Variants in CIPC observed in about 807,000 individuals in gnomAD.
CIPC encodes CLOCK-interacting pacemaker.
A neutral mutation model predicts 26.7 loss-of-function variants in CIPC; 12 were observed. That is an observed-to-expected ratio of 0.45 (90% confidence interval 0.29 to 0.73). The LOEUF is 0.73. CIPC is among the 30% of genes least tolerant of loss of function. The probability of loss-of-function intolerance (pLI) is 0.12; values close to 1 mark genes in which losing one functional copy is unlikely to be tolerated. For synonymous variants in CIPC, 170 were observed against 189.8 expected (o/e 0.90, Z 0.86); for missense variants, 417 against 486.5 (o/e 0.86, Z 1.34).
At chr14:77,101,617 A>T (rs898235275) in intron 1 of CIPC, among the ~76,000 whole-genome samples, 5 of 152,194 alleles carry the variant, frequency 3.3e-5, no homozygotes, top group African/African-American at 1.2e-4. Flanking sequence ...TGACCCTCCC[A>T]TAACAAAAGA....
Position 77,115,321 on chromosome 14 carries a change from TATG to T in CIPC, c.*1006_*1008del, listed in dbSNP as rs1285099786. 1 of 151,880 alleles carries T rather than the reference TATG, an allele frequency of 6.6e-6. No individual in the cohort carries two copies. The highest frequency in any genetic ancestry group is 6.6e-5 in the Admixed American group (1 of 15,226). 9.4% of individuals were successfully genotyped at this position (151,880 alleles called of 1,614,324 possible). A position where few individuals can be genotyped will look rare whatever the true frequency, so the allele number is the denominator to read the frequency against. On this transcript the variant is annotated 3_prime_UTR_variant, in exon 4 of 4. Transcript: ENST00000361786. ...GAATTAAATACAGTTGTCTTGAGGG[TATG>T]ATAAGTCCACAAAAAATTGGAAAGC...
At chr14:77,111,802 A>G (rs1886707009) in intron 3 of CIPC, among the ~76,000 whole-genome samples, 1 of 152,232 alleles carries the variant, frequency 6.6e-6, no homozygotes, top group African/African-American at 2.4e-5. Context: ...AAATCATGGG[A>G]AAACAATGCA....
intron 2 of CIPC, among the ~76,000 whole-genome samples, chr14:77,106,955 C>T (rs2140029836): frequency 6.6e-6 from 1 of 152,280 alleles, no homozygotes; most frequent in South Asian, 2.1e-4. Flanking sequence ...AAGCCTGCCT[C>T]ATCATAAGGC....
Position 77,113,940 on chromosome 14 carries a change from T to C in CIPC, c.822T>C (p.His274=), listed in dbSNP as rs1886756351. The part of the protein sequence containing the change: ...SPVCASDSTL[H]GLESNSPLSP... ...TCTGCGCATCAGACAGCACTCTCCA[T>C]GGGTTAGAGAGCAACTCTCCCCTTT... is the stretch of plus-strand genomic sequence containing the variant. Residue 274 remains histidine (H), a synonymous_variant, in exon 4 of 4, where the codon CAT becomes CAC. Transcript: ENST00000361786. 1.2e-6 allele frequency: 2 copies of C among 1,614,220 alleles called. No individual in the cohort carries two copies. The highest frequency in any genetic ancestry group is 1.7e-6 in the Non-Finnish European group (2 of 1,180,048).
At chr14:77,107,658 A>ACACACACACT (rs1287077545) in intron 2 of CIPC, among the ~76,000 whole-genome samples, 17 of 145,262 alleles carry the variant, frequency 1.2e-4, no homozygotes, top group African/African-American at 4.6e-4. Context: ...ACACACACAC[A>ACACACACACT]CTCTCTCTCT....
At chr14:77,108,841 C>T (rs1886641501) in intron 2 of CIPC, among the ~76,000 whole-genome samples, 1 of 152,122 alleles carries the variant, frequency 6.6e-6, no homozygotes, top group Non-Finnish European at 1.5e-5. Context: ...GTTTGTCAAC[C>T]TGTTAAAATC....
intron 3 of CIPC, among the ~76,000 whole-genome samples, chr14:77,110,758 C>T (rs1007416218): frequency 6.6e-6 from 1 of 152,188 alleles, no homozygotes; most frequent in African/African-American, 2.4e-5. Flanking sequence ...ACCGTACTTT[C>T]CTCTGAAAAT....
intron 1 of CIPC, 47 bp from the exon 2 acceptor site, chr14:77,105,610 G>T: frequency 7.5e-7 from 1 of 1,329,892 alleles, no homozygotes; most frequent in Non-Finnish European, 1.0e-6. Context: ...TGGATCACCT[G>T]TTTCAGCTCT....
At chr14:77,098,619 G>T (rs1378916340) in intron 1 of CIPC, 2 of 152,796 alleles carry the variant, frequency 1.3e-5, no homozygotes, top group Non-Finnish European at 2.9e-5. Context: ...CTTGTGTGAG[G>T]GGCAGGTGGG....
At position 77,114,362 on chromosome 14, in the gene CIPC, CA is replaced by C; in HGVS notation, c.*45del. ...TGTTACTTGAGTGGTTCTTTTAGCT[CA>C]TTTGCTGTTACCTACTCCTGTTTCC... On this transcript the variant is annotated 3_prime_UTR_variant, in exon 4 of 4. Transcript: ENST00000361786. 1 of 1,525,714 alleles carries C rather than the reference CA, an allele frequency of 6.6e-7. No individual in the cohort carries two copies. Among genetic ancestry groups the C allele is most frequent in the Non-Finnish European group, 8.8e-7 (1 of 1,134,610 alleles). The allele number at this position is 1,525,714 out of a possible 1,614,324, so 94.5% of individuals were successfully genotyped here. A position where few individuals can be genotyped will look rare whatever the true frequency, so the allele number is the denominator to read the frequency against.
At chr14:77,104,585 C>G (rs751786864) in intron 1 of CIPC, among the ~76,000 whole-genome samples, 2 of 151,884 alleles carry the variant, frequency 1.3e-5, no homozygotes, top group Non-Finnish European at 2.9e-5. Context: ...TCTGGCCTCC[C>G]TGGCCTTTCA....
chr14:77,105,854 A>G lies in CIPC; in HGVS notation c.136+10A>G, dbSNP rs1886581475. ...GACTCTGGCTTTTCAGGTTAAAAAT[A>G]TCTTATCCTTCCTCTGTTTTGTGAG... On this transcript the variant is annotated intron_variant, in intron 2 of 3. Coordinates refer to ENST00000361786, the MANE Select transcript of CIPC (RefSeq NM_033426.3). The G allele has an allele frequency of 1.9e-6, 3 of 1,612,670 alleles. No homozygotes were observed. Among genetic ancestry groups the G allele is most frequent in the Non-Finnish European group, 1.7e-6 (2 of 1,179,458 alleles).
chr14:77,112,795 C>T (rs1277386049), intron 3 of CIPC, among the ~76,000 whole-genome samples: 4 of 152,048 alleles, frequency 2.6e-5, no homozygotes, highest in Non-Finnish European at 5.9e-5. Flanking sequence ...ACTGCAACCT[C>T]CACCTCCCAG....
In CIPC at chr14:77,114,178, A is replaced by C; in HGVS notation, c.1060A>C (p.Lys354Gln). 6.2e-7 allele frequency: 1 copy of C among 1,614,164 alleles called. No homozygotes were observed. Among genetic ancestry groups the C allele is most frequent in the Non-Finnish European group, 8.5e-7 (1 of 1,180,040 alleles). The change falls in exon 4 of 4, where the codon AAG becomes CAG. Residue 354 changes from lysine (K) to glutamine (Q), a missense_variant. By Grantham distance (53) the Lys-to-Gln change is moderately conservative. Coordinates refer to ENST00000361786, the MANE Select transcript of CIPC (RefSeq NM_033426.3). ...QATQVELDQL[K>Q]EQTQLFIEAT... ...AACTCAGGTAGAACTAGACCAGCTA[A>C]AGGAGCAAACCCAGCTGTTTATAGA...
chr14:77,108,737 G>A (rs950040967), intron 2 of CIPC, among the ~76,000 whole-genome samples: 4 of 151,518 alleles, frequency 2.6e-5, no homozygotes, highest in Admixed American at 1.3e-4. Context: ...TTCTTTGTAC[G>A]TCATTAGCTG....
chr14:77,106,575 A>G (rs1348286114), intron 2 of CIPC, among the ~76,000 whole-genome samples: 1 of 152,076 alleles, frequency 6.6e-6, no homozygotes, highest in Non-Finnish European at 1.5e-5. Context: ...GCGGGGATGC[A>G]GAGGGGTGAT....
In CIPC at chr14:77,113,725, A is replaced by G. The variant is rs759593; in HGVS notation, c.607A>G (p.Thr203Ala). The G allele has an allele frequency of 9.7e-3, 15,659 of 1,612,546 alleles. 837 individuals carry two copies. In the African/African-American group the frequency reaches 0.14, roughly 15 times the overall value. The stretch of plus-strand genomic sequence containing the variant: ...GCCTAGCTTGTCTTCCAGTGAGCCA[A>G]CCAAGGCTGGTGCTGTCCCATCCAG... The part of the protein sequence containing the change: ...LGPSLSSSEP[T>A]KAGAVPSSPS... The change falls in exon 4 of 4, where the codon ACC becomes GCC. Residue 203 changes from threonine to alanine, a missense_variant. Coordinates refer to ENST00000361786, the MANE Select transcript of CIPC (RefSeq NM_033426.3).
chr14:77,111,229 G>GC (rs1886693671), intron 3 of CIPC, among the ~76,000 whole-genome samples: 1 of 152,086 alleles, frequency 6.6e-6, no homozygotes, highest in Non-Finnish European at 1.5e-5. Context: ...GGCTAGGCTG[G>GC]CAGCTCCAGA....
intron 1 of CIPC, among the ~76,000 whole-genome samples, chr14:77,101,072 G>A (rs1182151505): frequency 1.3e-5 from 2 of 152,188 alleles, no homozygotes; most frequent in African/African-American, 4.8e-5. Context: ...CAGGAAGCAG[G>A]AAGCAGAAAG....
Sources: allele counts gnomAD v4.1 joint callset (sites outside exome capture counted in the v4.1 genomes callset), GRCh38; gene constraint gnomAD v4.1.1; transcripts MANE v1.5; gene names NCBI Gene and HGNC (gene_info 2026-07-23, HGNC 2026-07-21).